The following AFG2A variants were observed in gnomAD, a reference collection of about 807,000 sequenced individuals.
AFG2A encodes ATPase family gene 2 protein homolog A.
the AFG2A span, among the ~76,000 whole-genome samples, chr4:123,118,006 C>T: frequency 4.6e-5 from 7 of 151,806 alleles, no homozygotes; most frequent in East Asian, 1.9e-4. Flanking sequence ...AATTGTTTCA[C>T]TTATAAATGG....
chr4:122,945,066 A>C, the AFG2A span, among the ~76,000 whole-genome samples: 10 of 152,308 alleles, frequency 6.6e-5, no homozygotes, highest in African/African-American at 2.4e-4. Flanking sequence ...CCTCCCAGTT[A>C]GGCTGCTCGG....
the AFG2A span, among the ~76,000 whole-genome samples, chr4:123,058,323 C>T: frequency 1.3e-5 from 2 of 152,292 alleles, no homozygotes; most frequent in South Asian, 4.1e-4. Context: ...GGGGAAACCC[C>T]TTATAAAACC....
chr4:122,989,363 G>T, the AFG2A span, among the ~76,000 whole-genome samples: 174 of 152,262 alleles, frequency 1.1e-3, no homozygotes, highest in African/African-American at 4.0e-3. Flanking sequence ...GATGGTCTTG[G>T]TGTCTAGGTC....
At chr4:123,245,674 A>G in the AFG2A span, among the ~76,000 whole-genome samples, 1 of 152,118 alleles carries the variant, frequency 6.6e-6, no homozygotes, top group Non-Finnish European at 1.5e-5. Flanking sequence ...TTTCCTGAAC[A>G]CCTGCTGTCA....
the AFG2A span, among the ~76,000 whole-genome samples, chr4:123,018,656 C>G: frequency 2.0e-5 from 3 of 151,098 alleles, no homozygotes; most frequent in East Asian, 5.8e-4. Context: ...TTTTTTGAGA[C>G]AGAGTCTCGC....
the AFG2A span, among the ~76,000 whole-genome samples, chr4:123,254,830 A>T: frequency 6.6e-6 from 1 of 152,226 alleles, no homozygotes; most frequent in African/African-American, 2.4e-5. Context: ...ATTAGCCTCT[A>T]GTAAAATATT....
At chr4:122,943,940 C>G in the AFG2A span, among the ~76,000 whole-genome samples, 1 of 151,954 alleles carries the variant, frequency 6.6e-6, no homozygotes, top group Non-Finnish European at 1.5e-5. Flanking sequence ...AAATTCTTTT[C>G]TTTAAGAATG....
At chr4:122,986,737 C>T in the AFG2A span, among the ~76,000 whole-genome samples, 1 of 152,038 alleles carries the variant, frequency 6.6e-6, no homozygotes, top group African/African-American at 2.4e-5. Flanking sequence ...CCCCCAATAA[C>T]TTGTGGAAAA....
the AFG2A span, among the ~76,000 whole-genome samples, chr4:122,963,207 A>T: frequency 6.6e-6 from 1 of 152,216 alleles, no homozygotes; most frequent in Non-Finnish European, 1.5e-5. Flanking sequence ...ATATAAGATA[A>T]GTACAATACA....
chr4:122,987,527 A>AT, the AFG2A span, among the ~76,000 whole-genome samples: 744 of 138,622 alleles, frequency 5.4e-3, 4 homozygotes, highest in Middle Eastern at 0.019. Flanking sequence ...TTGTGATGTG[A>AT]TTTTTTTTTT....
At chr4:123,297,667 C>T in the AFG2A span, among the ~76,000 whole-genome samples, 6 of 150,936 alleles carry the variant, frequency 4.0e-5, no homozygotes, top group South Asian at 2.1e-4. Flanking sequence ...TGCAGTGAGC[C>T]GAGATTGTGC....
At chr4:123,004,982 T>C in the AFG2A span, among the ~76,000 whole-genome samples, 3 of 152,212 alleles carry the variant, frequency 2.0e-5, no homozygotes, top group East Asian at 5.8e-4. Flanking sequence ...ACCTAAGTTG[T>C]TGAATTTATG....
the AFG2A span, among the ~76,000 whole-genome samples, chr4:123,106,741 G>A: frequency 0.03 from 4,616 of 152,322 alleles, 122 homozygotes; most frequent in Non-Finnish European, 0.041. Flanking sequence ...AAACCTCCAT[G>A]GCCAGTGGCT....
chr4:123,105,515 G>T, the AFG2A span, among the ~76,000 whole-genome samples: 1 of 152,164 alleles, frequency 6.6e-6, no homozygotes, highest in Non-Finnish European at 1.5e-5. Context: ...GGCTATTGCT[G>T]CTGTAATAGT....
the AFG2A span, among the ~76,000 whole-genome samples, chr4:123,015,031 GAA>G: frequency 6.6e-6 from 1 of 152,168 alleles, no homozygotes; most frequent in Admixed American, 6.5e-5. Context: ...AAGGCTGGGA[GAA>G]AAGAGAAGCA....
chr4:122,961,536 C>T, the AFG2A span, among the ~76,000 whole-genome samples: 6 of 152,168 alleles, frequency 3.9e-5, no homozygotes, highest in South Asian at 2.1e-4. Flanking sequence ...CGGAGTCTTA[C>T]GCTTTTTGCC....
the AFG2A span, among the ~76,000 whole-genome samples, chr4:123,182,133 T>A: frequency 6.6e-6 from 1 of 152,210 alleles, no homozygotes; most frequent in Non-Finnish European, 1.5e-5. Context: ...TATTTTTTAA[T>A]TGAAATGTGA....
the AFG2A span, among the ~76,000 whole-genome samples, chr4:123,141,693 C>T: frequency 1.3e-5 from 2 of 152,160 alleles, no homozygotes; most frequent in African/African-American, 4.8e-5. Context: ...AGTAGAGGCT[C>T]GATCTGCATC....
the AFG2A span, among the ~76,000 whole-genome samples, chr4:122,971,459 G>GT: frequency 7.9e-5 from 12 of 152,084 alleles, no homozygotes; most frequent in Non-Finnish European, 1.8e-4. Flanking sequence ...GTTCTTTTGA[G>GT]TTTTTTATCT....
Sources: gnomAD v4.1 joint callset for allele counts (sites outside exome capture counted in the v4.1 genomes callset) on GRCh38, gnomAD v4.1.1 for gene constraint, MANE v1.5 for transcripts, NCBI Gene and HGNC (gene_info 2026-07-23, HGNC 2026-07-21) for gene names.